The following ROS1 variants were observed in gnomAD, a reference collection of about 807,000 sequenced individuals.
The protein encoded by ROS1 is proto-oncogene tyrosine-protein kinase ROS.
In ROS1, 263 loss-of-function variants were observed where a neutral mutation model predicts 273.5. The observed-to-expected ratio is 0.96, with a 90% confidence interval of 0.87 to 1.06. The LOEUF is 1.06. Among genes scored for constraint, ROS1 ranks in the 50% least tolerant of loss-of-function variants. ROS1 has a pLI of 0.00. For missense variants in ROS1, 2,833 were observed against 2,751.1 expected, an observed-to-expected ratio of 1.03 and a Z score of -0.67; for synonymous variants, 1,008 against 954.1, an observed-to-expected ratio of 1.06 and a Z score of -1.04.
intron 34 of ROS1, 131 bp downstream of exon 34, chr6:117,326,092 TA>T (rs1776615468): frequency 6.7e-3 from 23 of 3,420 alleles, no homozygotes; most frequent in Middle Eastern, 0.12. Flanking sequence ...ATAATAAGAT[TA>T]TATATATATA....
chr6:117,399,830 C>T (rs1403567480), intron 7 of ROS1, among the ~76,000 whole-genome samples: 1 of 152,150 alleles, frequency 6.6e-6, no homozygotes, highest in Non-Finnish European at 1.5e-5. Context: ...ATATAGTAAC[C>T]TCCCAGCTGG....
intron 42 of ROS1, among the ~76,000 whole-genome samples, chr6:117,307,511 G>A (rs1292700913): frequency 6.6e-6 from 1 of 151,980 alleles, no homozygotes; most frequent in Non-Finnish European, 1.5e-5. Flanking sequence ...AACCCTACAT[G>A]AAAGGTTTTC....
intron 42 of ROS1, chr6:117,301,712 C>A (rs1371747197): frequency 6.6e-6 from 1 of 152,170 alleles, no homozygotes; most frequent in Non-Finnish European, 1.5e-5. Flanking sequence ...TGTATCAACA[C>A]ATAAAGAAAC....
intron 12 of ROS1, among the ~76,000 whole-genome samples, chr6:117,390,360 C>T (rs964364749): frequency 6.6e-6 from 1 of 152,040 alleles, no homozygotes; most frequent in Non-Finnish European, 1.5e-5. Flanking sequence ...CTCCTGGGCT[C>T]AAGTGATCTG....
chr6:117,310,865 T>C lies in ROS1; in HGVS notation c.6215+155A>G, dbSNP rs1775489103. 2.0e-5 allele frequency among the ~76,000 whole-genome samples: 3 copies of C among 152,294 alleles called. No individual in the cohort carries two copies. The South Asian group carries it at 6.2e-4, about 32-fold the overall frequency. ...AATAAACATACATGTGCATGTGTCT[T>C]TACAGTAGAATGATTTATAAGAGAG... On this transcript the variant is annotated intron_variant, in intron 40 of 43. Coordinates refer to ENST00000368507, the MANE Select transcript of ROS1 (RefSeq NM_001378902.1).
Position 117,358,995 on chromosome 6 carries a change from T to C in ROS1, c.3633+814A>G, listed in dbSNP as rs186611105. On this transcript the variant is annotated intron_variant, in intron 24 of 43. Coordinates refer to ENST00000368507, the MANE Select transcript of ROS1 (RefSeq NM_001378902.1). ...TCTTTACTGGCTTGCTGTTGGCTTC[T>C]AGAATGACACCTGTCTCCTTAGCAC... Among the ~76,000 whole-genome samples the C allele has an allele frequency of 2.6e-3, 401 of 152,312 alleles. 2 individuals are homozygous for C. The highest frequency in any genetic ancestry group is 8.8e-3 in the African/African-American group (365 of 41,560).
chr6:117,416,411 C>T, intron 2 of ROS1, 94 bp from the exon 3 acceptor site: 1 of 818,810 alleles, frequency 1.2e-6, no homozygotes, highest in Non-Finnish European at 2.1e-6. Context: ...AAAGGCATCA[C>T]TCTGTGTTTT....
Position 117,383,638 on chromosome 6 carries a change from C to G in ROS1, c.2290-130G>C, listed in dbSNP as rs1222472202. 5.3e-6 allele frequency: 4 copies of G among 756,424 alleles called. No homozygotes were observed. In the African/African-American group the frequency reaches 6.9e-5, roughly 13 times the overall value. The allele number at this position is 756,424 out of a possible 1,614,324, so 46.9% of individuals were successfully genotyped here. ...ATTCAACCACAAATAGTGATTGGCA[C>G]TATGTGCTGGGTAGTGTAATAAGCC... On this transcript the variant is annotated intron_variant, in intron 16 of 43. Coordinates refer to ENST00000368507, the MANE Select transcript of ROS1 (RefSeq NM_001378902.1).
chr6:117,338,617 T>C (rs1777663335), intron 31 of ROS1, among the ~76,000 whole-genome samples: 2 of 152,046 alleles, frequency 1.3e-5, no homozygotes, highest in Non-Finnish European at 1.5e-5. Flanking sequence ...GTGAATAGTC[T>C]AGGTAACCCA....
Position 117,365,772 on chromosome 6 carries a change from A to G in ROS1, c.2798-31T>C, listed in dbSNP as rs747915024. On this transcript the variant is annotated intron_variant, in intron 19 of 43. Coordinates refer to ENST00000368507, the MANE Select transcript of ROS1 (RefSeq NM_001378902.1). ...GGATGAAACAAAAAAAAGAAATAGGAGAAAAAAATGGGGATTATTGACCAA... is the reference window on the plus strand; with the variant it reads ...GGATGAAACAAAAAAAAGAAATAGGGGAAAAAAATGGGGATTATTGACCAA... 27 of 1,472,274 alleles carry G rather than the reference A, an allele frequency of 1.8e-5. No homozygotes were observed. In the African/African-American group the frequency reaches 3.3e-4, roughly 18 times the overall value. 91.2% of individuals were successfully genotyped at this position (1,472,274 alleles called of 1,614,324 possible). A position where few individuals can be genotyped will look rare whatever the true frequency, so the allele number is the denominator to read the frequency against.
intron 43 of ROS1, among the ~76,000 whole-genome samples, chr6:117,296,172 C>T (rs962915598): frequency 2.0e-5 from 3 of 152,020 alleles, no homozygotes; most frequent in African/African-American, 4.8e-5. Context: ...CAGAGGTAGG[C>T]GGATCACTTG....
Position 117,389,535 on chromosome 6 carries a change from A to G in ROS1, c.1601T>C (p.Phe534Ser). The part of the protein sequence containing the change: ...KVIFQQDALS[F>S]NEFIVGCDLS... ...GTCACATCCCACGATGAATTCATTA[A>G]AAGACAAAGCATCCTGTTGGAAAAT... is the stretch of plus-strand genomic sequence containing the variant. Residue 534 changes from phenylalanine (F) to serine (S), a missense_variant, in exon 13 of 44, where the codon TTT (phenylalanine) becomes TCT (serine). Phe to Ser is a radical substitution (Grantham distance 155). Coordinates refer to ENST00000368507, the MANE Select transcript of ROS1 (RefSeq NM_001378902.1). The G allele has an allele frequency of 6.2e-7, 1 of 1,614,212 alleles. No homozygotes were observed. Among genetic ancestry groups the G allele is most frequent in the Non-Finnish European group, 8.5e-7 (1 of 1,180,028 alleles).
chr6:117,389,956 T>C, intron 12 of ROS1, 110 bp from the exon 13 acceptor site: 1 of 949,928 alleles, frequency 1.1e-6, no homozygotes, highest in Non-Finnish European at 1.6e-6. Flanking sequence ...GTATCTCTGA[T>C]GTTGCTAAGT....
At chr6:117,379,980 G>C (rs1771984080) in intron 17 of ROS1, among the ~76,000 whole-genome samples, 1 of 152,098 alleles carries the variant, frequency 6.6e-6, no homozygotes, top group African/African-American at 2.4e-5. Flanking sequence ...CAGTCATCTA[G>C]ATGAGGCCTG....
chr6:117,391,081 T>C (rs1773029282), intron 12 of ROS1, among the ~76,000 whole-genome samples: 1 of 152,224 alleles, frequency 6.6e-6, no homozygotes, highest in African/African-American at 2.4e-5. Flanking sequence ...TCCTTGTCCT[T>C]ATTTAGTTCT....
At chr6:117,294,199 T>C (rs1045451726) in intron 43 of ROS1, among the ~76,000 whole-genome samples, 1 of 152,124 alleles carries the variant, frequency 6.6e-6, no homozygotes, top group Non-Finnish European at 1.5e-5. Context: ...ATAGCCAACA[T>C]TGTACTAAAT....
chr6:117,356,648 G>A lies in ROS1; in HGVS notation c.4107C>T (p.Ile1369=). 1.9e-6 allele frequency: 3 copies of A among 1,613,522 alleles called. No homozygotes were observed. The highest frequency in any genetic ancestry group is 2.5e-6 in the Non-Finnish European group (3 of 1,179,562). Residue 1369 remains isoleucine (I), a synonymous_variant, in exon 26 of 44, where the codon ATC becomes ATT. Transcript: ENST00000368507. ...TCTTACCGAGCATAGCAGGTACTGTGATAACTCTCCAACACTGACAGCCTT... is the reference window on the plus strand; with the variant it reads ...TCTTACCGAGCATAGCAGGTACTGTAATAACTCTCCAACACTGACAGCCTT... ...DLEGCQCWRV[I]TVPAMLGKTL...
intron 32 of ROS1, among the ~76,000 whole-genome samples, chr6:117,332,327 G>T (rs1411430983): frequency 2.0e-5 from 3 of 152,114 alleles, no homozygotes; most frequent in Admixed American, 6.6e-5. Context: ...CAATACAAGA[G>T]CACCCAGACT....
chr6:117,398,689 A>G (rs1314056165), intron 7 of ROS1, among the ~76,000 whole-genome samples: 5 of 151,626 alleles, frequency 3.3e-5, no homozygotes, highest in Non-Finnish European at 7.4e-5. Context: ...AAAAAAAAAA[A>G]AAAAAAAACT....
Sources: allele counts gnomAD v4.1 joint callset (sites outside exome capture counted in the v4.1 genomes callset), GRCh38; gene constraint gnomAD v4.1.1; transcripts MANE v1.5; gene names NCBI Gene and HGNC (gene_info 2026-07-23, HGNC 2026-07-21).